The following HS6ST3 variants were observed in gnomAD, a reference collection of about 807,000 sequenced individuals.
The protein encoded by HS6ST3 is heparan sulfate 6-O-sulfotransferase 3, also known as heparan-sulfate 6-O-sulfotransferase 3.
In HS6ST3, 12 loss-of-function variants were observed where a neutral mutation model predicts 36.7. That is an observed-to-expected ratio of 0.33 (90% CI 0.21 to 0.53). The LOEUF is 0.53. Ranked by LOEUF, HS6ST3 falls within the 20% of genes least tolerant of loss-of-function variation. HS6ST3 has a pLI of 0.95. For synonymous variants in HS6ST3, 240 were observed against 257.5 expected (o/e 0.93, Z 0.65); for missense variants, 584 against 640.9 (o/e 0.91, Z 0.96).
intron 1 of HS6ST3, among the ~76,000 whole-genome samples, chr13:96,594,529 C>T (rs970989100): frequency 1.3e-5 from 2 of 151,992 alleles, no homozygotes; most frequent in African/African-American, 4.8e-5. Flanking sequence ...TATCTTGTAG[C>T]TATAAAAGAT....
intron 1 of HS6ST3, among the ~76,000 whole-genome samples, chr13:96,541,951 G>T (rs956970640): frequency 2.0e-5 from 3 of 152,144 alleles, no homozygotes; most frequent in African/African-American, 7.2e-5. Context: ...TGGGAGTAAA[G>T]TTTAGCATAG....
chr13:96,563,633 T>C (rs142916186), intron 1 of HS6ST3, among the ~76,000 whole-genome samples: 1 of 152,346 alleles, frequency 6.6e-6, no homozygotes, highest in East Asian at 1.9e-4. Context: ...CAGGCCTTAC[T>C]GGCAAAAGCT....
At chr13:96,496,071 A>G (rs1275431961) in intron 1 of HS6ST3, among the ~76,000 whole-genome samples, 6 of 152,182 alleles carry the variant, frequency 3.9e-5, no homozygotes, top group Non-Finnish European at 5.9e-5. Flanking sequence ...AAGCAGGGTG[A>G]GAAGTGAGGG....
At chr13:96,329,160 G>GT (rs1566326514) in intron 1 of HS6ST3, among the ~76,000 whole-genome samples, 1 of 146,758 alleles carries the variant, frequency 6.8e-6, no homozygotes, top group Non-Finnish European at 1.5e-5. Context: ...TTTTTGAAGC[G>GT]TTTTTTGTGT....
At position 96,148,787 on chromosome 13, in the gene HS6ST3, A is replaced by G. The variant is rs540830896; in HGVS notation, c.707+57218A>G. On this transcript the variant is annotated intron_variant, in intron 1 of 1. Coordinates refer to ENST00000376705, the MANE Select transcript of HS6ST3 (RefSeq NM_153456.4). ...AGCTACACAGAGCTGCACATTGGAAATGTCCAAGAGTAAAGATTCGGAATT... is the reference window on the plus strand; with the variant it reads ...AGCTACACAGAGCTGCACATTGGAAGTGTCCAAGAGTAAAGATTCGGAATT... Among the ~76,000 whole-genome samples, 135 of 152,328 alleles carry G rather than the reference A, an allele frequency of 8.9e-4. 1 individual carries two copies. Among genetic ancestry groups the G allele is most frequent in the Non-Finnish European group, 6.3e-4 (43 of 68,028 alleles).
intron 1 of HS6ST3, among the ~76,000 whole-genome samples, chr13:96,387,343 G>A (rs925988202): frequency 6.6e-6 from 1 of 152,090 alleles, no homozygotes; most frequent in African/African-American, 2.4e-5. Flanking sequence ...TAATATAGAT[G>A]ATCTTCAGAG....
In HS6ST3 at chr13:96,657,601, A is replaced by G. The variant is rs571515210; in HGVS notation, c.708-174889A>G. ...TTCAAATGAAAAGTTTTAGGTTTCA[A>G]ATGCTTTGCTGTGAGTGATCATGGT... On this transcript the variant is annotated intron_variant, in intron 1 of 1. Transcript: ENST00000376705. Among the ~76,000 whole-genome samples the G allele has an allele frequency of 6.6e-5, 10 of 152,298 alleles. No homozygotes were observed. The South Asian group carries it at 2.1e-3, about 32-fold the overall frequency.
intron 1 of HS6ST3, among the ~76,000 whole-genome samples, chr13:96,809,920 C>T (rs1343855506): frequency 5.9e-5 from 9 of 152,156 alleles, no homozygotes; most frequent in Admixed American, 5.9e-4. Context: ...GGCACAGGGC[C>T]TGGGGCCTGG....
intron 1 of HS6ST3, among the ~76,000 whole-genome samples, chr13:96,162,890 A>C (rs1165160204): frequency 6.6e-6 from 1 of 152,120 alleles, no homozygotes; most frequent in Non-Finnish European, 1.5e-5. Flanking sequence ...GTAAACAGTA[A>C]TGTGGTTTAG....
At chr13:96,228,074 A>C (rs1329326257) in intron 1 of HS6ST3, among the ~76,000 whole-genome samples, 1 of 152,208 alleles carries the variant, frequency 6.6e-6, no homozygotes, top group Non-Finnish European at 1.5e-5. Context: ...CTTCTAATAA[A>C]GGATCAAGTA....
At chr13:96,168,500 GT>G (rs1420183983) in intron 1 of HS6ST3, among the ~76,000 whole-genome samples, 1 of 152,010 alleles carries the variant, frequency 6.6e-6, no homozygotes, top group Non-Finnish European at 1.5e-5. Context: ...CAGCCTAGGA[GT>G]TCAAAAGCAT....
chr13:96,654,201 T>C (rs1436240673), intron 1 of HS6ST3, among the ~76,000 whole-genome samples: 4 of 152,206 alleles, frequency 2.6e-5, no homozygotes, highest in Non-Finnish European at 5.9e-5. Flanking sequence ...GTGTAGAAGC[T>C]CTTTAGTTTA....
At chr13:96,095,991 G>A (rs1288470801) in intron 1 of HS6ST3, among the ~76,000 whole-genome samples, 5 of 151,618 alleles carry the variant, frequency 3.3e-5, no homozygotes, top group Non-Finnish European at 5.9e-5. Context: ...TCAATTGTAG[G>A]TGCAAATACA....
chr13:96,219,469 A>G (rs1245427903), intron 1 of HS6ST3, among the ~76,000 whole-genome samples: 2 of 152,088 alleles, frequency 1.3e-5, no homozygotes, highest in African/African-American at 2.4e-5. Flanking sequence ...TAGTTTTATC[A>G]TCCTTGTTAA....
chr13:96,554,059 T>A (rs1383284244), intron 1 of HS6ST3, among the ~76,000 whole-genome samples: 1 of 152,162 alleles, frequency 6.6e-6, no homozygotes, highest in Non-Finnish European at 1.5e-5. Context: ...AGAAGGTTGA[T>A]TAGGCAGCTA....
intron 1 of HS6ST3, among the ~76,000 whole-genome samples, chr13:96,487,122 C>T (rs2055919271): frequency 1.3e-5 from 2 of 152,068 alleles, no homozygotes; most frequent in Non-Finnish European, 2.9e-5. Context: ...CTCACATCCA[C>T]TGCAGTTGTG....
rs897985727 is a variant in HS6ST3 at position 96,410,303 on chromosome 13, A to G, written c.707+318734A>G. ...ATAATAATGAAGTTTTTATAAATCA[A>G]TAGGAAAAATACAAATTATGTAATT... On this transcript the variant is annotated intron_variant, in intron 1 of 1. Transcript: ENST00000376705. Among the ~76,000 whole-genome samples, 11 of 152,288 alleles carry G rather than the reference A, an allele frequency of 7.2e-5. No homozygotes were observed. In the South Asian group the frequency reaches 1.7e-3, roughly 23 times the overall value.
chr13:96,118,643 A>AATAT, intron 1 of HS6ST3, among the ~76,000 whole-genome samples: 2 of 67,982 alleles, frequency 2.9e-5, no homozygotes, highest in Admixed American at 1.7e-4. Context: ...AAGAACATTA[A>AATAT]AGATATATAT....
intron 1 of HS6ST3, among the ~76,000 whole-genome samples, chr13:96,635,367 G>GT (rs201676407): frequency 0.021 from 3,176 of 151,958 alleles, 51 homozygotes; most frequent in Non-Finnish European, 0.032. Context: ...TAAACTGCTT[G>GT]TAAGTTCCTG....
Sources: gnomAD v4.1 joint callset for allele counts (sites outside exome capture counted in the v4.1 genomes callset) on GRCh38, gnomAD v4.1.1 for gene constraint, MANE v1.5 for transcripts, NCBI Gene and HGNC (gene_info 2026-07-23, HGNC 2026-07-21) for gene names.